Variants in ZDHHC15 observed in about 807,000 individuals in gnomAD.
ZDHHC15 encodes the protein zDHHC palmitoyltransferase 15.
In ZDHHC15, 19 loss-of-function variants were observed where a neutral mutation model predicts 31.7. The ratio of observed to expected loss-of-function variants is 0.60; its 90% confidence interval spans 0.42 to 0.88. ZDHHC15 has a LOEUF of 0.88. Ranked by LOEUF, ZDHHC15 falls within the 40% of genes least tolerant of loss-of-function variation. The pLI is 0.00. For missense variants in ZDHHC15, 209 were observed against 251.2 expected (o/e 0.83, Z 1.14); for synonymous variants, 103 against 90.0 (o/e 1.14, Z -0.82).
At chrX:75,429,493 C>T (rs1226195425) in intron 6 of ZDHHC15, among the ~76,000 whole-genome samples, 1 of 111,803 alleles carries the variant, frequency 8.9e-6, no homozygotes, top group Admixed American at 9.5e-5. Context: ...AAATGTATTA[C>T]AGTTTTAGCA....
chrX:75,514,801 T>C (rs965738204), intron 1 of ZDHHC15, among the ~76,000 whole-genome samples: 1 of 110,962 alleles, frequency 9.0e-6, no homozygotes, highest in Admixed American at 9.6e-5. Context: ...AGTACAGCAG[T>C]CCGAGATAGA....
At chrX:75,469,449 C>T (rs959140864) in intron 3 of ZDHHC15, among the ~76,000 whole-genome samples, 2 of 111,692 alleles carry the variant, frequency 1.8e-5, no homozygotes, top group East Asian at 2.8e-4. Context: ...TCTGTGAATT[C>T]GTCTACTTTA....
At chrX:75,445,728 T>C (rs957763743) in intron 4 of ZDHHC15, among the ~76,000 whole-genome samples, 1 of 111,868 alleles carries the variant, frequency 8.9e-6, no homozygotes, top group Non-Finnish European at 1.9e-5. Context: ...CACTGATTTG[T>C]AAAGAATTGG....
At chrX:75,397,542 T>A (rs868404641) in intron 10 of ZDHHC15, among the ~76,000 whole-genome samples, 2 of 105,272 alleles carry the variant, frequency 1.9e-5, no homozygotes, top group Non-Finnish European at 3.9e-5. Flanking sequence ...AAATTAAAAA[T>A]AAAAAAAAAC....
At chrX:75,402,357 C>A (rs1346093883) in intron 10 of ZDHHC15, among the ~76,000 whole-genome samples, 1 of 110,662 alleles carries the variant, frequency 9.0e-6, no homozygotes, top group Non-Finnish European at 1.9e-5. Flanking sequence ...CAAATAAACC[C>A]CAAATGCTAG....
Position 75,372,132 on chromosome X carries a change from C to A in ZDHHC15, c.*846G>T, listed in dbSNP as rs1444098119. The stretch of plus-strand genomic sequence containing the variant: ...TTCATCATAAAATAACTCATAAAGG[C>A]TAAAATAAAACTAGGAAGCAGATAA... On this transcript the variant is annotated 3_prime_UTR_variant, in exon 12 of 12. Transcript: ENST00000373367. 9.0e-6 allele frequency: 1 copy of A among 111,619 alleles called. No homozygotes were observed. Among genetic ancestry groups the A allele is most frequent in the Non-Finnish European group, 1.9e-5 (1 of 53,058 alleles). The allele number at this position is 111,619 out of a possible 1,213,427, so 9.2% of individuals were successfully genotyped here. A position where few individuals can be genotyped will look rare whatever the true frequency, so the allele number is the denominator to read the frequency against.
chrX:75,439,284 A>C (rs1428049347), intron 4 of ZDHHC15, among the ~76,000 whole-genome samples: 2 of 111,911 alleles, frequency 1.8e-5, no homozygotes, highest in Non-Finnish European at 3.8e-5. Context: ...CCTCAGGAAC[A>C]CCAATTACTC....
At chrX:75,443,474 G>A (rs2083977053) in intron 4 of ZDHHC15, among the ~76,000 whole-genome samples, 1 of 111,476 alleles carries the variant, frequency 9.0e-6, no homozygotes, top group Non-Finnish European at 1.9e-5. Flanking sequence ...AATTCAAGAT[G>A]GATTAAAGAC....
chrX:75,393,506 C>T (rs1259639926), intron 10 of ZDHHC15, among the ~76,000 whole-genome samples: 2 of 111,546 alleles, frequency 1.8e-5, no homozygotes, highest in Non-Finnish European at 3.8e-5. Context: ...CTCCTTGCCT[C>T]TCATGAGCAA....
intron 3 of ZDHHC15, among the ~76,000 whole-genome samples, chrX:75,451,461 T>G (rs1404279354): frequency 8.9e-6 from 1 of 112,481 alleles, no homozygotes. Flanking sequence ...TATTGAATAC[T>G]TTTTTAGTCT....
chrX:75,407,107 C>T (rs1329303053), intron 10 of ZDHHC15, among the ~76,000 whole-genome samples: 1 of 112,438 alleles, frequency 8.9e-6, no homozygotes, highest in Non-Finnish European at 1.9e-5. Flanking sequence ...GCCGCTACCC[C>T]GTATGGGAAG....
chrX:75,510,664 G>A (rs1441890213), intron 1 of ZDHHC15, among the ~76,000 whole-genome samples: 4 of 86,668 alleles, frequency 4.6e-5, no homozygotes, highest in Non-Finnish European at 8.8e-5. Flanking sequence ...CCATGCTGGT[G>A]CGCTGCACCC....
intron 4 of ZDHHC15, among the ~76,000 whole-genome samples, chrX:75,433,683 GTGTGTGTGTGTGTGTATATA>G (rs1342002950): frequency 0.049 from 573 of 11,716 alleles, 2 homozygotes; most frequent in Admixed American, 0.13. Context: ...GTGTGTGTGT[GTGTGTGTGTGTGTGTATATA>G]TATATATATA....
intron 2 of ZDHHC15, among the ~76,000 whole-genome samples, chrX:75,488,971 GA>G (rs2084824171): frequency 9.0e-6 from 1 of 111,702 alleles, no homozygotes; most frequent in Non-Finnish European, 1.9e-5. Context: ...TGGTTCGGAG[GA>G]TCCTACACCC....
At chrX:75,446,446 C>T (rs144386336) in intron 4 of ZDHHC15, among the ~76,000 whole-genome samples, 2,206 of 111,781 alleles carry the variant, frequency 0.02, 26 homozygotes, top group Non-Finnish European at 0.025. Flanking sequence ...TTCACTAACA[C>T]TGTGAGAAAT....
intron 2 of ZDHHC15, among the ~76,000 whole-genome samples, chrX:75,491,820 C>T (rs1227400562): frequency 2.7e-5 from 3 of 111,135 alleles, no homozygotes; most frequent in Non-Finnish European, 5.7e-5. Flanking sequence ...ATGATCAGTA[C>T]CAGCCACTGC....
chrX:75,434,094 T>G (rs2083818712), intron 4 of ZDHHC15, among the ~76,000 whole-genome samples: 1 of 111,825 alleles, frequency 8.9e-6, no homozygotes, highest in Non-Finnish European at 1.9e-5. Context: ...TGAAAATTAG[T>G]GATGTTGAGA....
chrX:75,479,767 T>C (rs1220047963), intron 2 of ZDHHC15, among the ~76,000 whole-genome samples: 2 of 111,844 alleles, frequency 1.8e-5, no homozygotes, highest in Admixed American at 9.5e-5. Flanking sequence ...GAGGTATTTG[T>C]CTTTCTGTGT....
At chrX:75,495,096 C>T (rs1213047138) in intron 2 of ZDHHC15, among the ~76,000 whole-genome samples, 2 of 111,315 alleles carry the variant, frequency 1.8e-5, no homozygotes, top group Non-Finnish European at 3.8e-5. Context: ...AGAAAAAAAA[C>T]AACCCCATCA....
Sources: gnomAD v4.1 joint callset for allele counts (sites outside exome capture counted in the v4.1 genomes callset) on GRCh38, gnomAD v4.1.1 for gene constraint, MANE v1.5 for transcripts, NCBI Gene and HGNC (gene_info 2026-07-23, HGNC 2026-07-21) for gene names.